UBE2H: variants seen among roughly 807,000 people sequenced by gnomAD.
UBE2H encodes ubiquitin conjugating enzyme E2 H.
Under a neutral mutation model 29.0 loss-of-function variants are expected in UBE2H, and 3 were observed. The observed-to-expected ratio is 0.10, with a 90% CI of 0.05 to 0.27. The LOEUF (loss-of-function observed/expected upper bound fraction) is 0.27. Ranked by LOEUF, UBE2H falls within the 10% of genes least tolerant of loss-of-function variation. UBE2H has a pLI of 1.00. For synonymous variants in UBE2H, 69 were observed against 82.9 expected, an observed-to-expected ratio of 0.83 and a Z score of 0.91; for missense variants, 68 against 228.2, an observed-to-expected ratio of 0.30 and a Z score of 4.52.
intron 1 of UBE2H, among the ~76,000 whole-genome samples, chr7:129,927,056 CTG>C (rs1807284459): frequency 6.6e-6 from 1 of 152,210 alleles, no homozygotes; most frequent in Non-Finnish European, 1.5e-5. Flanking sequence ...AGACTCAACT[CTG>C]TGCTTTTCCA....
chr7:129,917,526 C>T (rs1473519632), intron 1 of UBE2H, among the ~76,000 whole-genome samples: 1 of 152,064 alleles, frequency 6.6e-6, no homozygotes, highest in Non-Finnish European at 1.5e-5. Context: ...AATCAACTAG[C>T]CAGGGTTTTC....
intron 1 of UBE2H, among the ~76,000 whole-genome samples, chr7:129,882,796 TAA>T (rs2116376984): frequency 6.6e-6 from 1 of 152,312 alleles, no homozygotes; most frequent in African/African-American, 2.4e-5. Flanking sequence ...TAAAATGTTT[TAA>T]AACTTTTTTA....
chr7:129,854,797 A>G (rs1481566524), intron 5 of UBE2H, among the ~76,000 whole-genome samples: 1 of 152,248 alleles, frequency 6.6e-6, no homozygotes, highest in Non-Finnish European at 1.5e-5. Flanking sequence ...AAAGACAGCA[A>G]TAACCCAAAT....
At chr7:129,840,605 A>G (rs1016305558) in intron 5 of UBE2H, among the ~76,000 whole-genome samples, 3 of 151,830 alleles carry the variant, frequency 2.0e-5, no homozygotes, top group African/African-American at 7.3e-5. Flanking sequence ...CAACCCACAC[A>G]CCCCATAGCT....
chr7:129,922,620 C>T (rs889062526), intron 1 of UBE2H, among the ~76,000 whole-genome samples: 6 of 152,196 alleles, frequency 3.9e-5, no homozygotes, highest in Admixed American at 3.9e-4. Context: ...AGTATTTACA[C>T]TGAAGTCTCA....
chr7:129,839,298 T>C lies in UBE2H; in HGVS notation c.336A>G (p.Leu112=), dbSNP rs12539800. 128,692 of 1,613,644 alleles carry C rather than the reference T, an allele frequency of 0.08. 5,717 individuals are homozygous for C. Among genetic ancestry groups the C allele is most frequent in the Non-Finnish European group, 0.093 (109,566 of 1,179,854 alleles). ...TNIFESFLPQ[L]LAYPNPIDPL... ...GATCTATGGGGTTAGGATAGGCCAA[T>C]AACTGAGGCAGGAAGGACTCAAATA... The change falls in exon 6 of 7, where the codon TTA becomes TTG. Residue 112 remains leucine (L), a synonymous_variant. Transcript: ENST00000355621.
At chr7:129,918,207 A>G (rs1334052870) in intron 1 of UBE2H, among the ~76,000 whole-genome samples, 1 of 152,148 alleles carries the variant, frequency 6.6e-6, no homozygotes, top group Admixed American at 6.5e-5. Flanking sequence ...TTATATATAC[A>G]TGCACGCACA....
intron 1 of UBE2H, among the ~76,000 whole-genome samples, chr7:129,925,510 C>G (rs1388979580): frequency 6.6e-6 from 1 of 152,200 alleles, no homozygotes; most frequent in Non-Finnish European, 1.5e-5. Context: ...ACAACATTCA[C>G]TGTGAAAGAC....
chr7:129,852,794 G>T (rs1384098612), intron 5 of UBE2H, among the ~76,000 whole-genome samples: 2 of 151,812 alleles, frequency 1.3e-5, no homozygotes, highest in African/African-American at 4.8e-5. Flanking sequence ...GGTGCAATCT[G>T]GGCTCACTGC....
chr7:129,875,349 T>G (rs1219483822), intron 3 of UBE2H, among the ~76,000 whole-genome samples: 1 of 152,184 alleles, frequency 6.6e-6, no homozygotes, highest in Non-Finnish European at 1.5e-5. Context: ...GGTAAAACAT[T>G]TTATCCACTA....
intron 1 of UBE2H, among the ~76,000 whole-genome samples, chr7:129,920,022 C>T (rs759592326): frequency 6.6e-6 from 1 of 151,116 alleles, no homozygotes; most frequent in Non-Finnish European, 1.5e-5. Context: ...TGAAAATGAG[C>T]ACTGTCAAAG....
At chr7:129,844,991 G>A (rs146805599) in intron 5 of UBE2H, among the ~76,000 whole-genome samples, 10,002 of 152,158 alleles carry the variant, frequency 0.066, 461 homozygotes, top group Non-Finnish European at 0.095. Context: ...TTAGCCAGGC[G>A]TGGTGGTGGG....
At chr7:129,851,371 C>G (rs151214659) in intron 5 of UBE2H, among the ~76,000 whole-genome samples, 2,385 of 152,256 alleles carry the variant, frequency 0.016, 31 homozygotes, top group South Asian at 0.027. Flanking sequence ...GAAATGAGGG[C>G]AGTTAATGTG....
At position 129,858,934 on chromosome 7, in the gene UBE2H, C is replaced by A; in HGVS notation, c.213G>T (p.Met71Ile). The A allele has an allele frequency of 6.2e-7, 1 of 1,610,174 alleles. No homozygotes were observed. The highest frequency in any genetic ancestry group is 1.1e-5 in the South Asian group (1 of 90,722). ...YPFKSPSIGF[M>I]NKIFHPNIDE... Reference sequence around the variant, plus strand: ...CAATGTTGGGATGGAAAATTTTATTCATGAATCCTGTAAAAAGAGATGTTA... The same window carrying A: ...CAATGTTGGGATGGAAAATTTTATTAATGAATCCTGTAAAAAGAGATGTTA... The change falls in exon 4 of 7, where the codon ATG becomes ATT. Residue 71 changes from methionine to isoleucine, a missense_variant. By Grantham distance (10) the Met-to-Ile change is conservative (BLOSUM62 1). This residue lies in a region of UBE2H where 40 missense variants were observed against 174.1 expected (regional missense o/e 0.23). Transcript: ENST00000355621.
chr7:129,910,445 T>C (rs1806909979), intron 1 of UBE2H, among the ~76,000 whole-genome samples: 1 of 152,176 alleles, frequency 6.6e-6, no homozygotes, highest in African/African-American at 2.4e-5. Context: ...CACAGCATTG[T>C]ATCTTTGACC....
Position 129,879,613 on chromosome 7 carries a change from T to G in UBE2H, c.160A>C (p.Arg54=), listed in dbSNP as rs1463442539. The change falls in exon 3 of 7, where the codon AGA becomes CGA. Residue 54 remains arginine, a synonymous_variant. Coordinates refer to ENST00000355621, the MANE Select transcript of UBE2H (RefSeq NM_003344.4). ...GGGTATTTATCAGGTAGGTCCACTC[T>G]AACTTTCCATACTCCGCCTTCATAT... The part of the protein sequence containing the change: ...TPYEGGVWKV[R]VDLPDKYPFK... The G allele has an allele frequency of 1.9e-6, 3 of 1,613,232 alleles. No individual in the cohort carries two copies. The highest frequency in any genetic ancestry group is 3.3e-5 in the Admixed American group (2 of 59,868).
At chr7:129,889,590 A>G (rs1411311723) in intron 1 of UBE2H, among the ~76,000 whole-genome samples, 2 of 152,158 alleles carry the variant, frequency 1.3e-5, no homozygotes, top group Non-Finnish European at 2.9e-5. Context: ...GCAATATACT[A>G]TGTATTTTAC....
chr7:129,851,153 A>G (rs1191243815), intron 5 of UBE2H, among the ~76,000 whole-genome samples: 1 of 152,216 alleles, frequency 6.6e-6, no homozygotes, highest in African/African-American at 2.4e-5. Flanking sequence ...GCAGAAGAAA[A>G]TAAGTGCTAC....
intron 1 of UBE2H, among the ~76,000 whole-genome samples, chr7:129,903,287 TGTGCTAAAATAGA>T (rs1563040795): frequency 3.3e-5 from 5 of 152,204 alleles, no homozygotes; most frequent in Non-Finnish European, 5.9e-5. Context: ...TTTCAACAGT[TGTGCTAAAATAGA>T]TCAACCAGCA....
Sources: gnomAD v4.1 joint callset for allele counts (sites outside exome capture counted in the v4.1 genomes callset) on GRCh38, gnomAD v4.1.1 for gene constraint, gnomAD v4.1.1 regional missense constraint, MANE v1.5 for transcripts, NCBI Gene and HGNC (gene_info 2026-07-23, HGNC 2026-07-21) for gene names.